LDHAL6A: variants seen among roughly 807,000 people sequenced by gnomAD.
LDHAL6A encodes lactate dehydrogenase A like 6A, also known as L-lactate dehydrogenase A-like 6A.
In LDHAL6A, 19 loss-of-function variants were observed where a neutral mutation model predicts 28.2. The ratio of observed to expected loss-of-function variants is 0.67; its 90% CI spans 0.47 to 0.99. LDHAL6A has a LOEUF of 0.99. Ranked by LOEUF, LDHAL6A falls within the 50% of genes least tolerant of loss-of-function variation. The pLI is 0.00. For synonymous variants in LDHAL6A, 144 were observed against 134.4 expected (o/e 1.07, Z -0.49); for missense variants, 372 against 398.6 (o/e 0.93, Z 0.57).
At chr11:18,467,520 G>GT (rs1405184037) in intron 3 of LDHAL6A, among the ~76,000 whole-genome samples, 1 of 151,920 alleles carries the variant, frequency 6.6e-6, no homozygotes, top group East Asian at 1.9e-4. Flanking sequence ...TAGCTTTGTG[G>GT]TAAGTTTTGA....
intron 2 of LDHAL6A, among the ~76,000 whole-genome samples, chr11:18,465,107 T>C (rs1293852152): frequency 1.3e-5 from 2 of 151,696 alleles, no homozygotes; most frequent in Non-Finnish European, 2.9e-5. Context: ...ACTGGGACTA[T>C]AGGAGTGCAC....
At chr11:18,462,659 A>AAAAAAAAAAAAC (rs1848954584) in intron 1 of LDHAL6A, among the ~76,000 whole-genome samples, 2 of 137,364 alleles carry the variant, frequency 1.5e-5, no homozygotes, top group Non-Finnish European at 3.2e-5. Flanking sequence ...AACAAACAAA[A>AAAAAAAAAAAAC]AAAAAAACAA....
At chr11:18,459,220 A>G (rs559510863) in intron 1 of LDHAL6A, among the ~76,000 whole-genome samples, 33 of 152,270 alleles carry the variant, frequency 2.2e-4, no homozygotes, top group African/African-American at 6.7e-4. Flanking sequence ...GCACCATCTA[A>G]TCAGCTGCCA....
intron 1 of LDHAL6A, among the ~76,000 whole-genome samples, chr11:18,458,335 G>A (rs3993293): frequency 0.37 from 56,710 of 152,056 alleles, 11,796 homozygotes; most frequent in African/African-American, 0.55. Flanking sequence ...AAGAGCATCT[G>A]TAGGCTCCAC....
chr11:18,456,333 A>G lies in LDHAL6A; in HGVS notation c.-348A>G. 2 of 227,476 alleles carry G rather than the reference A, an allele frequency of 8.8e-6. No individual in the cohort carries two copies. Among genetic ancestry groups the G allele is most frequent in the Non-Finnish European group, 1.7e-5 (2 of 115,816 alleles). 14.1% of individuals were successfully genotyped at this position (227,476 alleles called of 1,614,324 possible). On this transcript the variant is annotated 5_prime_UTR_variant, in exon 1 of 7. Transcript: ENST00000280706. The stretch of plus-strand genomic sequence containing the variant: ...AACAGCAGGGTAAAGGGGAGAGAAA[A>G]GGGGGTCAGCTGCGGGACGGAGTGC...
At chr11:18,459,114 G>C (rs1475443511) in intron 1 of LDHAL6A, among the ~76,000 whole-genome samples, 1 of 152,054 alleles carries the variant, frequency 6.6e-6, no homozygotes, top group Non-Finnish European at 1.5e-5. Context: ...AAGGATGCAG[G>C]GTATTGTTCC....
intron 6 of LDHAL6A, among the ~76,000 whole-genome samples, 181 bp downstream of exon 6, chr11:18,477,924 C>A (rs538300333): frequency 1.1e-4 from 17 of 152,098 alleles, no homozygotes; most frequent in Non-Finnish European, 2.4e-4. Context: ...AGACCTTTGT[C>A]CTGGTCTAGT....
intron 1 of LDHAL6A, among the ~76,000 whole-genome samples, chr11:18,460,061 T>C (rs1848858990): frequency 6.6e-6 from 1 of 152,210 alleles, no homozygotes; most frequent in African/African-American, 2.4e-5. Flanking sequence ...AGCTTAGACT[T>C]CTAGGTTGAT....
At chr11:18,469,980 G>A (rs1849218029) in intron 3 of LDHAL6A, among the ~76,000 whole-genome samples, 1 of 152,148 alleles carries the variant, frequency 6.6e-6, no homozygotes, top group African/African-American at 2.4e-5. Flanking sequence ...CCAGGCTGGA[G>A]TGCAGTGATG....
chr11:18,473,675 A>G (rs913958235), intron 3 of LDHAL6A, among the ~76,000 whole-genome samples: 3 of 152,142 alleles, frequency 2.0e-5, no homozygotes, highest in African/African-American at 7.2e-5. Context: ...TTGGGATTAC[A>G]GGTGTGAGCC....
chr11:18,461,638 T>C (rs1402991217), intron 1 of LDHAL6A, among the ~76,000 whole-genome samples: 1 of 151,396 alleles, frequency 6.6e-6, no homozygotes, highest in Non-Finnish European at 1.5e-5. Context: ...ATCATGAGGT[T>C]AGGAGTTTGA....
Position 18,459,308 on chromosome 11 carries a change from C to T in LDHAL6A, c.126+2502C>T, listed in dbSNP as rs181731351. ...AGTCTTCCAGCCTTCATCTTTCTTT[C>T]GTGCTGGATGCTTCCTGCCCTCAAA... On this transcript the variant is annotated intron_variant, in intron 1 of 6. Coordinates refer to ENST00000280706, the MANE Select transcript of LDHAL6A (RefSeq NM_144972.5). Among the ~76,000 whole-genome samples, 331 of 152,284 alleles carry T rather than the reference C, an allele frequency of 2.2e-3. 2 individuals are homozygous for T. The highest frequency in any genetic ancestry group is 3.9e-3 in the Non-Finnish European group (263 of 68,022).
chr11:18,479,314 CTTTTTTTTT>C lies in LDHAL6A; in HGVS notation c.*454_*462del, dbSNP rs762101683. ...TTTAGTATCCAGATGATAGATGACA[CTTTTTTTTT>C]TTTTTTTTTAAAGTGACGGCATCAA... On this transcript the variant is annotated 3_prime_UTR_variant, in exon 7 of 7. Coordinates refer to ENST00000280706, the MANE Select transcript of LDHAL6A (RefSeq NM_144972.5). 7.6e-6 allele frequency: 1 copy of C among 131,628 alleles called. No individual in the cohort carries two copies. The highest frequency in any genetic ancestry group is 2.8e-5 in the African/African-American group (1 of 35,632). 8.2% of individuals were successfully genotyped at this position (131,628 alleles called of 1,614,324 possible).
At chr11:18,473,160 T>C (rs1349782084) in intron 3 of LDHAL6A, among the ~76,000 whole-genome samples, 1 of 152,190 alleles carries the variant, frequency 6.6e-6, no homozygotes, top group African/African-American at 2.4e-5. Flanking sequence ...CCTCAGAATG[T>C]AGAGGTGGTT....
rs548297011 is a variant in LDHAL6A at position 18,474,534 on chromosome 11, G to A, written c.419-932G>A. Among the ~76,000 whole-genome samples the A allele has an allele frequency of 1.6e-4, 24 of 151,426 alleles. No individual in the cohort carries two copies. The South Asian group carries it at 2.9e-3, about 18-fold the overall frequency. ...CCCAAATAGCTGGGACTACAGGCGC[G>A]CACCACCATGCCTGGCTAATTTTTT... On this transcript the variant is annotated intron_variant, in intron 3 of 6. Transcript: ENST00000280706.
intron 1 of LDHAL6A, among the ~76,000 whole-genome samples, chr11:18,463,655 T>C (rs1319128457): frequency 6.6e-6 from 1 of 152,224 alleles, no homozygotes; most frequent in Non-Finnish European, 1.5e-5. Context: ...AGCACTACTT[T>C]ATCACTGTGC....
chr11:18,470,966 C>T (rs536092984), intron 3 of LDHAL6A, among the ~76,000 whole-genome samples: 3 of 152,120 alleles, frequency 2.0e-5, no homozygotes, highest in Admixed American at 6.5e-5. Flanking sequence ...GGATTACAGG[C>T]GTGAGCCACA....
chr11:18,467,936 T>A (rs558756120), intron 3 of LDHAL6A, among the ~76,000 whole-genome samples: 1 of 65,030 alleles, frequency 1.5e-5, no homozygotes, highest in African/African-American at 7.4e-5. Context: ...CATATATATA[T>A]ACACACACAT....
At chr11:18,471,611 C>G (rs1158395278) in intron 3 of LDHAL6A, among the ~76,000 whole-genome samples, 1 of 151,674 alleles carries the variant, frequency 6.6e-6, no homozygotes, top group African/African-American at 2.4e-5. Context: ...ATGACAAATA[C>G]TAGGTATTAA....
Sources: allele counts gnomAD v4.1 joint callset (sites outside exome capture counted in the v4.1 genomes callset), GRCh38; gene constraint gnomAD v4.1.1; transcripts MANE v1.5; gene names NCBI Gene and HGNC (gene_info 2026-07-23, HGNC 2026-07-21).